The following MGAT4C variants were observed in gnomAD, a reference collection of about 807,000 sequenced individuals.
The protein encoded by MGAT4C is alpha-1,3-mannosyl-glycoprotein 4-beta-N-acetylglucosaminyltransferase C.
Under a neutral mutation model 40.1 loss-of-function variants are expected in MGAT4C, and 19 were observed. The ratio of observed to expected loss-of-function variants is 0.47; its 90% confidence interval spans 0.33 to 0.70. The LOEUF is 0.70. Among genes scored for constraint, MGAT4C ranks in the 30% least tolerant of loss-of-function variants. MGAT4C has a pLI of 0.02. For missense variants in MGAT4C, 491 were observed against 563.2 expected, an observed-to-expected ratio of 0.87 and a Z score of 1.30; for synonymous variants, 181 against 187.1, an observed-to-expected ratio of 0.97 and a Z score of 0.27.
intron 4 of MGAT4C, among the ~76,000 whole-genome samples, chr12:86,293,944 T>C (rs1165856548): frequency 6.6e-6 from 1 of 152,154 alleles, no homozygotes; most frequent in Admixed American, 6.5e-5. Flanking sequence ...CTCTTTCCTT[T>C]ATGAATTAAT....
At chr12:86,325,867 A>AC (rs1489423067) in intron 4 of MGAT4C, among the ~76,000 whole-genome samples, 1 of 136,768 alleles carries the variant, frequency 7.3e-6, no homozygotes, top group Non-Finnish European at 1.6e-5. Flanking sequence ...ACAGACTGAG[A>AC]CCCTGTCTCC....
At chr12:86,583,612 C>A (rs1049515342) in intron 2 of MGAT4C, among the ~76,000 whole-genome samples, 24 of 151,118 alleles carry the variant, frequency 1.6e-4, no homozygotes, top group Non-Finnish European at 3.0e-4. Context: ...TTTAACTATT[C>A]CTTTATTCCA....
In MGAT4C at chr12:86,150,517, T is replaced by C. The variant is rs73387139; in HGVS notation, c.-56-100794A>G. Among the ~76,000 whole-genome samples, 520 of 152,338 alleles carry C rather than the reference T, an allele frequency of 3.4e-3. 2 individuals carry two copies. Among genetic ancestry groups the C allele is most frequent in the African/African-American group, 0.012 (508 of 41,572 alleles). Reference sequence around the variant, plus strand: ...ACATGCTTTTTGCAAGCTGAACTTTTCCTTTAATTCAAAAATTATAAAATT... The same window carrying C: ...ACATGCTTTTTGCAAGCTGAACTTTCCCTTTAATTCAAAAATTATAAAATT... On this transcript the variant is annotated intron_variant, in intron 1 of 4. Transcript: ENST00000611864.
chr12:86,784,925 T>A (rs144976220), intron 1 of MGAT4C, among the ~76,000 whole-genome samples: 118 of 152,104 alleles, frequency 7.8e-4, no homozygotes, highest in African/African-American at 2.7e-3. Context: ...TGGACTGATA[T>A]GGGAAACCAT....
chr12:86,551,469 G>A (rs1311745615), intron 2 of MGAT4C, among the ~76,000 whole-genome samples: 1 of 152,154 alleles, frequency 6.6e-6, no homozygotes, highest in Non-Finnish European at 1.5e-5. Flanking sequence ...AAACAGCTGT[G>A]TGCCCATGTT....
At chr12:85,982,827 T>C (rs1018905872) in intron 4 of MGAT4C, among the ~76,000 whole-genome samples, 1 of 152,162 alleles carries the variant, frequency 6.6e-6, no homozygotes, top group South Asian at 2.1e-4. Context: ...ATGTGGACCA[T>C]AAATTCAATA....
At chr12:86,213,152 T>C (rs571485418) in intron 1 of MGAT4C, among the ~76,000 whole-genome samples, 1 of 152,250 alleles carries the variant, frequency 6.6e-6, no homozygotes, top group African/African-American at 2.4e-5. Context: ...GGCTGGAGGA[T>C]ATGGTTCTAA....
chr12:86,634,691 C>A (rs747384396), intron 2 of MGAT4C, among the ~76,000 whole-genome samples: 12 of 152,108 alleles, frequency 7.9e-5, no homozygotes, highest in Non-Finnish European at 1.5e-4. Context: ...TGCCATGAAG[C>A]CTTGTCAGGC....
intron 2 of MGAT4C, among the ~76,000 whole-genome samples, chr12:86,467,751 G>T (rs996373476): frequency 6.6e-6 from 1 of 152,168 alleles, no homozygotes; most frequent in Non-Finnish European, 1.5e-5. Context: ...CTTCAATTAA[G>T]AAATGTTTAT....
intron 2 of MGAT4C, among the ~76,000 whole-genome samples, chr12:86,598,747 C>G (rs1380299975): frequency 2.0e-5 from 3 of 152,048 alleles, no homozygotes; most frequent in Admixed American, 6.6e-5. Flanking sequence ...TTGTATTATT[C>G]ACGATACTAA....
chr12:86,136,474 A>G (rs991685108), intron 1 of MGAT4C, among the ~76,000 whole-genome samples: 1 of 152,156 alleles, frequency 6.6e-6, no homozygotes, highest in Non-Finnish European at 1.5e-5. Context: ...GGCATCTATA[A>G]GTGTGTCCTT....
At chr12:86,029,202 T>C (rs143610054) in intron 2 of MGAT4C, among the ~76,000 whole-genome samples, 3 of 151,980 alleles carry the variant, frequency 2.0e-5, no homozygotes, top group Admixed American at 6.6e-5. Flanking sequence ...CTAATTTTCA[T>C]AGAAAACTTG....
At chr12:86,540,135 T>C (rs1335998052) in intron 2 of MGAT4C, among the ~76,000 whole-genome samples, 1 of 152,218 alleles carries the variant, frequency 6.6e-6, no homozygotes, top group East Asian at 1.9e-4. Flanking sequence ...GGTTTTCTTC[T>C]AGGGTTTTTA....
intron 4 of MGAT4C, among the ~76,000 whole-genome samples, chr12:86,307,904 C>T (rs1245131247): frequency 4.7e-5 from 7 of 150,132 alleles, no homozygotes; most frequent in African/African-American, 1.5e-4. Context: ...AGGGTTTCAC[C>T]GTGTTAGCCA....
intron 1 of MGAT4C, among the ~76,000 whole-genome samples, chr12:86,772,418 C>T (rs965347374): frequency 2.6e-5 from 4 of 152,202 alleles, no homozygotes; most frequent in African/African-American, 7.2e-5. Context: ...TGTGAATGTG[C>T]ATTATCCCTT....
intron 1 of MGAT4C, among the ~76,000 whole-genome samples, chr12:86,146,706 A>C (rs1035275879): frequency 1.6e-4 from 25 of 151,996 alleles, no homozygotes; most frequent in Non-Finnish European, 3.4e-4. Flanking sequence ...TTATTAATTA[A>C]AAATTTAGTG....
intron 4 of MGAT4C, among the ~76,000 whole-genome samples, chr12:86,291,571 A>G (rs765132299): frequency 6.6e-6 from 1 of 152,148 alleles, no homozygotes; most frequent in Non-Finnish European, 1.5e-5. Context: ...TGTGCCTTCT[A>G]TTCTCGTGTT....
At chr12:86,404,542 G>A (rs1365038987) in intron 3 of MGAT4C, among the ~76,000 whole-genome samples, 2 of 152,034 alleles carry the variant, frequency 1.3e-5, no homozygotes, top group Non-Finnish European at 2.9e-5. Flanking sequence ...ATGTGACCAT[G>A]GAGGCAGAAA....
At chr12:86,282,117 T>A (rs923095646) in intron 4 of MGAT4C, among the ~76,000 whole-genome samples, 38 of 152,268 alleles carry the variant, frequency 2.5e-4, no homozygotes, top group African/African-American at 8.2e-4. Context: ...ACCAGACTAG[T>A]GTTTTCTTTC....
Sources: allele counts gnomAD v4.1 joint callset (sites outside exome capture counted in the v4.1 genomes callset), GRCh38; gene constraint gnomAD v4.1.1; transcripts MANE v1.5; gene names NCBI Gene and HGNC (gene_info 2026-07-23, HGNC 2026-07-21).